NPR2: variants seen among roughly 807,000 people sequenced by gnomAD.
NPR2 encodes natriuretic peptide receptor 2, also known as atrial natriuretic peptide receptor 2.
NPR2 carries 49 observed loss-of-function variants against 120.7 expected under a neutral mutation model. The ratio of observed to expected loss-of-function variants is 0.41; its 90% CI spans 0.32 to 0.52. The LOEUF is 0.52. Among genes scored for constraint, NPR2 ranks in the 20% least tolerant of loss-of-function variants. The pLI is 0.36. For missense variants in NPR2, 931 were observed against 1,362.9 expected, an observed-to-expected ratio of 0.68 and a Z score of 4.99; for synonymous variants, 484 against 519.8, an observed-to-expected ratio of 0.93 and a Z score of 0.94.
rs902331924 is a variant in NPR2 at position 35,800,277 on chromosome 9, GC to G, written c.1124-109del. The G allele has an allele frequency of 9.3e-6, 13 of 1,398,478 alleles. No individual in the cohort carries two copies. The African/African-American group carries it at 1.8e-4, about 20-fold the overall frequency. The allele number at this position is 1,398,478 out of a possible 1,614,324, so 86.6% of individuals were successfully genotyped here. On this transcript the variant is annotated intron_variant, in intron 4 of 21. Coordinates refer to ENST00000342694, the MANE Select transcript of NPR2 (RefSeq NM_003995.4). This position sits in a 1 kb window ranked among gnomAD's most constrained non-coding sequence, Gnocchi z 4.7. ...GGGGGTTAGTGAATATGGCAGAGTT[GC>G]CCACACCTCAAGATCGGGGAAGGGT...
In NPR2 at chr9:35,792,130, C is replaced by G. The variant is rs549479682; in HGVS notation, c.-279C>G. The stretch of plus-strand genomic sequence containing the variant: ...TCACCTCGCACTGTCCCCATCCTGG[C>G]CGCAGGCCCCCTCGGTCCCTCCCTC... On this transcript the variant is annotated 5_prime_UTR_variant, in exon 1 of 22. Coordinates refer to ENST00000342694, the MANE Select transcript of NPR2 (RefSeq NM_003995.4). The G allele has an allele frequency of 1.1e-3, 556 of 483,696 alleles. 1 individual carries two copies. The highest frequency in any genetic ancestry group is 1.5e-3 in the Non-Finnish European group (400 of 263,594). 30.0% of individuals were successfully genotyped at this position (483,696 alleles called of 1,614,324 possible).
In NPR2 at chr9:35,809,189, A is replaced by C; in HGVS notation, c.3020A>C (p.Asp1007Ala). 1 of 1,614,018 alleles carries C rather than the reference A, an allele frequency of 6.2e-7. No homozygotes were observed. Among genetic ancestry groups the C allele is most frequent in the South Asian group, 1.1e-5 (1 of 91,070 alleles). Residue 1007 changes from aspartate to alanine, a missense_variant, in exon 21 of 22, where the codon GAT (aspartate) becomes GCT (alanine). By Grantham distance (126) the Asp-to-Ala change is moderately radical (BLOSUM62 -2). Transcript: ENST00000342694. This position sits in a 1 kb window ranked among gnomAD's most constrained non-coding sequence, Gnocchi z 4.1. ...ATCCATGTCTCCTCTACCACCAAGGATGCCCTAGATGAGCTAGGATGCTTC... is the reference window on the plus strand; with the variant it reads ...ATCCATGTCTCCTCTACCACCAAGGCTGCCCTAGATGAGCTAGGATGCTTC... The part of the protein sequence containing the change: ...LKIHVSSTTK[D>A]ALDELGCFQL...
At chr9:35,796,163 A>G (rs1442777272) in intron 2 of NPR2, among the ~76,000 whole-genome samples, 1 of 152,212 alleles carries the variant, frequency 6.6e-6, no homozygotes, top group African/African-American at 2.4e-5. Flanking sequence ...ACCCTCTCAG[A>G]TGGGAGCACT....
chr9:35,808,719 C>A lies in NPR2; in HGVS notation c.2887+36C>A. ...CTCTCACTCCAGCCCTAGTCTCCAC[C>A]TTTCCCAGACTCTCCCAACCTGTTT... On this transcript the variant is annotated intron_variant, in intron 19 of 21. Coordinates refer to ENST00000342694, the MANE Select transcript of NPR2 (RefSeq NM_003995.4). The surrounding 1 kb of genome is among the most constrained non-coding windows in gnomAD (Gnocchi z 4.0). The A allele has an allele frequency of 6.2e-7, 1 of 1,612,326 alleles. No individual in the cohort carries two copies. Among genetic ancestry groups the A allele is most frequent in the African/African-American group, 1.3e-5 (1 of 75,016 alleles).
Position 35,792,256 on chromosome 9 carries a change from G to GC in NPR2, c.-148dup. ...CTCCCATCTCCCCCTCCTCTCCCCGGCCCCCAGCACCTTCTGCATCCCAGC... is the reference window on the plus strand; with the variant it reads ...CTCCCATCTCCCCCTCCTCTCCCCGGCCCCCCAGCACCTTCTGCATCCCAGC... On this transcript the variant is annotated 5_prime_UTR_variant, in exon 1 of 22. The change abolishes the stop of an existing upstream ORF in the 5' untranslated region. Coordinates refer to ENST00000342694, the MANE Select transcript of NPR2 (RefSeq NM_003995.4). The GC allele has an allele frequency of 1.4e-6, 1 of 714,644 alleles. No individual in the cohort carries two copies. The highest frequency in any genetic ancestry group is 2.2e-6 in the Non-Finnish European group (1 of 459,118). The allele number at this position is 714,644 out of a possible 1,614,324, so 44.3% of individuals were successfully genotyped here.
At chr9:35,796,844 G>T (rs1827959474) in intron 2 of NPR2, among the ~76,000 whole-genome samples, 1 of 152,144 alleles carries the variant, frequency 6.6e-6, no homozygotes, top group Admixed American at 6.5e-5. Flanking sequence ...GCCAAGCAAG[G>T]ATGAAAGAGC....
chr9:35,806,129 A>C lies in NPR2; in HGVS notation c.2268A>C (p.Gln756His). The C allele has an allele frequency of 1.9e-6, 3 of 1,614,198 alleles. No homozygotes were observed. Among genetic ancestry groups the C allele is most frequent in the Non-Finnish European group, 2.5e-6 (3 of 1,180,028 alleles). The change falls in exon 15 of 22, where the codon CAA becomes CAC. Residue 756 changes from glutamine to histidine, a missense_variant. Transcript: ENST00000342694. The surrounding 1 kb of genome is among the most constrained non-coding windows in gnomAD (Gnocchi z 4.6). ...TCCGGCCAAGCATTGACCGGACCCA[A>C]CTGAATGAAGAGCTAGTTTTGCTGA... ...PYFRPSIDRT[Q>H]LNEELVLLME...
chr9:35,793,838 G>A (rs1588051620), intron 1 of NPR2, 60 bp from the exon 2 acceptor site: 1 of 1,517,290 alleles, frequency 6.6e-7, no homozygotes, highest in South Asian at 1.1e-5. Context: ...CAGAGAGGGG[G>A]CTGTGTGGGG....
At position 35,807,028 on chromosome 9, in the gene NPR2, T is replaced by C; in HGVS notation, c.2525T>C (p.Val842Ala). 6.2e-7 allele frequency: 1 copy of C among 1,614,132 alleles called. No individual in the cohort carries two copies. The highest frequency in any genetic ancestry group is 8.5e-7 in the Non-Finnish European group (1 of 1,179,994). The stretch of plus-strand genomic sequence containing the variant: ...ACGGCACCCTTGCTTCCTAGTTCAG[T>C]GGCAGAGCAGTTAAAACGGGGAGAG... ...ALLYQILPHSVAEQLKRGETV... is the reference protein window; with the variant it reads ...ALLYQILPHSAAEQLKRGETV... Residue 842 changes from valine (V) to alanine (A), a missense_variant, in exon 17 of 22, where the codon GTG (valine) becomes GCG (alanine). This residue lies in a region of NPR2 where 184 missense variants were observed against 328.3 expected (regional missense o/e 0.56). Transcript: ENST00000342694.
intron 2 of NPR2, among the ~76,000 whole-genome samples, chr9:35,797,239 T>C (rs1827972601): frequency 6.6e-6 from 1 of 152,050 alleles, no homozygotes; most frequent in African/African-American, 2.4e-5. Flanking sequence ...AGCTGGCAAG[T>C]AATGTAAACT....
chr9:35,808,545 G>C lies in NPR2; in HGVS notation c.2749G>C (p.Gly917Arg). The C allele has an allele frequency of 6.2e-7, 1 of 1,614,064 alleles. No homozygotes were observed. The highest frequency in any genetic ancestry group is 8.5e-7 in the Non-Finnish European group (1 of 1,180,022). The change falls in exon 19 of 22, where the codon GGC (glycine) becomes CGC (arginine). Residue 917 changes from glycine (G) to arginine (R), a missense_variant. Gly to Arg is a moderately radical substitution (Grantham distance 125, BLOSUM62 -2). Coordinates refer to ENST00000342694, the MANE Select transcript of NPR2 (RefSeq NM_003995.4). This position sits in a 1 kb window ranked among gnomAD's most constrained non-coding sequence, Gnocchi z 4.0. ...TGGGGATGCTTACATGGTGGTATCT[G>C]GCCTCCCAGGCCGAAATGGTCAACG... ...TIGDAYMVVS[G>R]LPGRNGQRHA...
chr9:35,800,685 G>A lies in NPR2; in HGVS notation c.1219-24G>A. 1 of 1,614,064 alleles carries A rather than the reference G, an allele frequency of 6.2e-7. No individual in the cohort carries two copies. Among genetic ancestry groups the A allele is most frequent in the Admixed American group, 1.7e-5 (1 of 60,026 alleles). On this transcript the variant is annotated intron_variant, in intron 5 of 21. Transcript: ENST00000342694. This position sits in a 1 kb window ranked among gnomAD's most constrained non-coding sequence, Gnocchi z 4.7. ...GAGGCTGGTGGGAGCAGGCCTGTGGGCCCAGCTTTTTGCTTCCTTACAGCC... is the reference window on the plus strand; with the variant it reads ...GAGGCTGGTGGGAGCAGGCCTGTGGACCCAGCTTTTTGCTTCCTTACAGCC...
In NPR2 at chr9:35,806,606, G is replaced by T; in HGVS notation, c.2519+68G>T. On this transcript the variant is annotated intron_variant, in intron 16 of 21. Coordinates refer to ENST00000342694, the MANE Select transcript of NPR2 (RefSeq NM_003995.4). The surrounding 1 kb of genome is among the most constrained non-coding windows in gnomAD (Gnocchi z 4.6). ...GCTCTGTTGGGCTCTGCCTCATCAG[G>T]CACCTGAGAACTCGCCTCCCCACCC... 6.3e-7 allele frequency: 1 copy of T among 1,583,840 alleles called. No homozygotes were observed. The highest frequency in any genetic ancestry group is 8.7e-7 in the Non-Finnish European group (1 of 1,153,832).
Position 35,808,439 on chromosome 9 carries a change from G to A in NPR2, c.2713-70G>A. The A allele has an allele frequency of 6.5e-7, 1 of 1,529,602 alleles. No homozygotes were observed. Among genetic ancestry groups the A allele is most frequent in the South Asian group, 1.1e-5 (1 of 88,604 alleles). The allele number at this position is 1,529,602 out of a possible 1,614,324, so 94.8% of individuals were successfully genotyped here. On this transcript the variant is annotated intron_variant, in intron 18 of 21. Coordinates refer to ENST00000342694, the MANE Select transcript of NPR2 (RefSeq NM_003995.4). The surrounding 1 kb of genome is among the most constrained non-coding windows in gnomAD (Gnocchi z 4.0). Reference sequence around the variant, plus strand: ...GATGATTAATGATGGTGTCAAGCTTGTCTCCCTCTACTTTTTCCCATCCCC... The same window carrying A: ...GATGATTAATGATGGTGTCAAGCTTATCTCCCTCTACTTTTTCCCATCCCC...
rs762910349 is a variant in NPR2 at position 35,801,164 on chromosome 9, G to C, written c.1436+10G>C. The C allele has an allele frequency of 3.7e-6, 6 of 1,607,836 alleles. No homozygotes were observed. The highest frequency in any genetic ancestry group is 5.1e-6 in the Non-Finnish European group (6 of 1,174,196). The stretch of plus-strand genomic sequence containing the variant: ...GCTTCCTAATTTTCCGGTGAGTTCT[G>C]GGTTTCTTGCTGACCTACTCCCTGC... On this transcript the variant is annotated intron_variant, in intron 7 of 21. Coordinates refer to ENST00000342694, the MANE Select transcript of NPR2 (RefSeq NM_003995.4).
chr9:35,803,248 C>T (rs1588062758), intron 12 of NPR2, among the ~76,000 whole-genome samples: 1 of 129,444 alleles, frequency 7.7e-6, no homozygotes, highest in Non-Finnish European at 1.6e-5. Context: ...GGACTACAGG[C>T]GCCCGCCACT....
In NPR2 at chr9:35,792,725, C is replaced by T. The variant is rs1373177985; in HGVS notation, c.317C>T (p.Ala106Val). 6.2e-7 allele frequency: 1 copy of T among 1,614,166 alleles called. No homozygotes were observed. ...GGTCCCGGTTGCGTGTACCCTGCTGCCTCTGTGGCCCGCTTTGCCTCCCAC... is the reference window on the plus strand; with the variant it reads ...GGTCCCGGTTGCGTGTACCCTGCTGTCTCTGTGGCCCGCTTTGCCTCCCAC... The part of the protein sequence containing the change: ...LLGPGCVYPA[A>V]SVARFASHWR... The change falls in exon 1 of 22, where the codon GCC becomes GTC. Residue 106 changes from alanine to valine, a missense_variant. Transcript: ENST00000342694.
chr9:35,793,868 G>A (rs1439138452), intron 1 of NPR2, 30 bp from the exon 2 acceptor site: 4 of 1,610,852 alleles, frequency 2.5e-6, no homozygotes, highest in Admixed American at 3.3e-5. Context: ...ACCTTCTCAG[G>A]GTGCTCCTCT....
At chr9:35,803,811 A>T (rs964591413) in intron 12 of NPR2, among the ~76,000 whole-genome samples, 4 of 152,212 alleles carry the variant, frequency 2.6e-5, no homozygotes, top group Non-Finnish European at 5.9e-5. Flanking sequence ...TTTAAAAAGT[A>T]TTTTTTTGTG....
Sources: gnomAD v4.1 joint callset for allele counts (sites outside exome capture counted in the v4.1 genomes callset) on GRCh38, gnomAD v4.1.1 for gene constraint, gnomAD v4.1.1 regional missense constraint, Gnocchi (gnomAD v3.1) non-coding constraint, MANE v1.5 for transcripts, NCBI Gene and HGNC (gene_info 2026-07-23, HGNC 2026-07-21) for gene names.